Variants in ACOXL observed in about 807,000 individuals in gnomAD.
ACOXL encodes the protein acyl-CoA oxidase like.
ACOXL carries 70 observed loss-of-function variants against 71.9 expected under a neutral mutation model. That is an observed-to-expected ratio of 0.97 (90% CI 0.80 to 1.19). The LOEUF (loss-of-function observed/expected upper bound fraction) is 1.19, where lower values mean the gene tolerates loss of function less well. Ranked by LOEUF, ACOXL falls within the 50% of genes most tolerant of loss-of-function variation. The pLI, the probability that ACOXL is intolerant of heterozygous loss-of-function variation, is 0.00. For missense variants in ACOXL, 703 were observed against 736.3 expected (o/e 0.95, Z 0.52); for synonymous variants, 253 against 281.6 (o/e 0.90, Z 1.02).
intron 9 of ACOXL, among the ~76,000 whole-genome samples, chr2:110,809,224 G>A (rs1687022557): frequency 6.6e-6 from 1 of 152,198 alleles, no homozygotes; most frequent in Non-Finnish European, 1.5e-5. Context: ...CATAGTATGT[G>A]CTTCATGTGT....
chr2:111,046,962 A>G (rs1315912718), intron 15 of ACOXL, among the ~76,000 whole-genome samples: 1 of 152,224 alleles, frequency 6.6e-6, no homozygotes, highest in African/African-American at 2.4e-5. Flanking sequence ...AGCAGTGGGC[A>G]TGGAGGCTGG....
chr2:110,860,473 G>T (rs1267960807), intron 10 of ACOXL, among the ~76,000 whole-genome samples: 3 of 152,142 alleles, frequency 2.0e-5, no homozygotes, highest in Admixed American at 1.3e-4. Flanking sequence ...CTCCACCGCA[G>T]CTGCAGTAAG....
intron 10 of ACOXL, among the ~76,000 whole-genome samples, chr2:110,884,771 G>T (rs1428148828): frequency 6.6e-6 from 1 of 152,054 alleles, no homozygotes; most frequent in Non-Finnish European, 1.5e-5. Flanking sequence ...GACAGATTTG[G>T]AGTTAGGTTC....
chr2:110,896,760 A>G (rs757497918), intron 10 of ACOXL, among the ~76,000 whole-genome samples: 2 of 152,338 alleles, frequency 1.3e-5, no homozygotes, highest in East Asian at 3.9e-4. Context: ...TGAAAGGACT[A>G]TAGACCAATC....
intron 1 of ACOXL, among the ~76,000 whole-genome samples, chr2:110,741,496 C>T (rs1259118506): frequency 6.6e-6 from 1 of 152,198 alleles, no homozygotes; most frequent in Non-Finnish European, 1.5e-5. Flanking sequence ...CACTATTCAG[C>T]TTGTAACACA....
chr2:110,970,988 A>T (rs975150273), intron 12 of ACOXL, among the ~76,000 whole-genome samples: 5 of 152,148 alleles, frequency 3.3e-5, no homozygotes, highest in Admixed American at 2.6e-4. Flanking sequence ...GAAAAATAAA[A>T]TTTTTTATTC....
At chr2:110,793,556 A>G (rs1684913404) in intron 3 of ACOXL, 94 bp from the exon 4 acceptor site, 1 of 1,175,024 alleles carries the variant, frequency 8.5e-7, no homozygotes, top group Admixed American at 1.7e-5. Context: ...AGGGGGCTGA[A>G]TAGCTGCTCC....
At chr2:110,904,886 C>T (rs2059383303) in intron 10 of ACOXL, among the ~76,000 whole-genome samples, 1 of 151,958 alleles carries the variant, frequency 6.6e-6, no homozygotes, top group South Asian at 2.1e-4. Flanking sequence ...TAGGTTAGGC[C>T]CTGAGTGGAA....
intron 10 of ACOXL, 59 bp from the exon 11 acceptor site, chr2:110,908,730 A>G: frequency 4.6e-5 from 62 of 1,351,680 alleles, no homozygotes; most frequent in Non-Finnish European, 6.3e-5. Flanking sequence ...AGCTCTGGAA[A>G]TGAAGTTACC....
intron 12 of ACOXL, among the ~76,000 whole-genome samples, chr2:110,966,694 T>C (rs3789104): frequency 0.57 from 86,845 of 152,018 alleles, 25,272 homozygotes; most frequent in East Asian, 0.82. Context: ...TTAGCAGGAG[T>C]CAGTAAGCAG....
chr2:111,005,476 C>T (rs2063830757), intron 14 of ACOXL, among the ~76,000 whole-genome samples: 1 of 152,176 alleles, frequency 6.6e-6, no homozygotes, highest in Admixed American at 6.5e-5. Context: ...CTGCCGCCCA[C>T]AGTTTTTATT....
intron 14 of ACOXL, among the ~76,000 whole-genome samples, chr2:111,021,904 C>T (rs1309573889): frequency 6.6e-6 from 1 of 151,660 alleles, no homozygotes; most frequent in Non-Finnish European, 1.5e-5. Flanking sequence ...CCAAGGAATA[C>T]AGAAAGGCAG....
At chr2:110,758,726 G>T (rs1396750747) in intron 1 of ACOXL, among the ~76,000 whole-genome samples, 1 of 152,046 alleles carries the variant, frequency 6.6e-6, no homozygotes, top group Non-Finnish European at 1.5e-5. Flanking sequence ...AGCTTTGGGA[G>T]TTTATTGCTC....
intron 12 of ACOXL, among the ~76,000 whole-genome samples, chr2:110,982,051 G>A (rs150127175): frequency 1.8e-4 from 27 of 152,296 alleles, no homozygotes; most frequent in Middle Eastern, 6.8e-3. Flanking sequence ...ATTGAATTGT[G>A]CATGATTTTT....
intron 11 of ACOXL, among the ~76,000 whole-genome samples, chr2:110,910,617 C>T (rs2059618638): frequency 6.6e-6 from 1 of 152,112 alleles, no homozygotes; most frequent in African/African-American, 2.4e-5. Flanking sequence ...ACATTTGTTT[C>T]AGTTCTTTCT....
At chr2:110,859,666 C>A (rs1029998337) in intron 10 of ACOXL, among the ~76,000 whole-genome samples, 1 of 152,114 alleles carries the variant, frequency 6.6e-6, no homozygotes, top group Non-Finnish European at 1.5e-5. Flanking sequence ...CTTGTGGAAT[C>A]GTATTTTAGG....
At chr2:110,865,286 T>C (rs1326786163) in intron 10 of ACOXL, among the ~76,000 whole-genome samples, 3 of 152,062 alleles carry the variant, frequency 2.0e-5, no homozygotes, top group Non-Finnish European at 4.4e-5. Flanking sequence ...TGGGTTGGAG[T>C]GGAGCACACG....
At chr2:111,094,027 T>A (rs952119639) in intron 17 of ACOXL, 1 of 152,026 alleles carries the variant, frequency 6.6e-6, no homozygotes, top group Admixed American at 6.6e-5. Context: ...CCTTGAAGAG[T>A]AGAAAATTAA....
chr2:110,782,992 C>T (rs978458955), intron 2 of ACOXL, among the ~76,000 whole-genome samples: 3 of 152,120 alleles, frequency 2.0e-5, no homozygotes, highest in Non-Finnish European at 4.4e-5. Flanking sequence ...GAAGGCTGGG[C>T]CACTCAGGGT....
Sources: allele counts gnomAD v4.1 joint callset (sites outside exome capture counted in the v4.1 genomes callset), GRCh38; gene constraint gnomAD v4.1.1; transcripts MANE v1.5; gene names NCBI Gene and HGNC (gene_info 2026-07-23, HGNC 2026-07-21).